Variants in KAZN observed in about 807,000 individuals in gnomAD.
The protein encoded by KAZN is kazrin, periplakin interacting protein.
KAZN carries 40 observed loss-of-function variants against 87.4 expected under a neutral mutation model. The observed-to-expected ratio is 0.46, with a 90% CI of 0.36 to 0.60. The LOEUF (loss-of-function observed/expected upper bound fraction) is 0.60, where lower values mean the gene tolerates loss of function less well. Ranked by LOEUF, KAZN falls within the 20% of genes least tolerant of loss-of-function variation. The probability of loss-of-function intolerance (pLI) is 0.00; values close to 1 mark genes in which losing one functional copy is unlikely to be tolerated. For synonymous variants in KAZN, 466 were observed against 458.3 expected, an observed-to-expected ratio of 1.02 and a Z score of -0.22; for missense variants, 898 against 1,073.9, an observed-to-expected ratio of 0.84 and a Z score of 2.29.
At chr1:15,091,395 A>C (rs1485654249) in intron 8 of KAZN, among the ~76,000 whole-genome samples, 1 of 152,162 alleles carries the variant, frequency 6.6e-6, no homozygotes, top group East Asian at 1.9e-4. Context: ...CCCAGACTGG[A>C]GTGCAGTGGC....
intron 1 of KAZN, among the ~76,000 whole-genome samples, chr1:14,855,108 C>T (rs546300335): frequency 1.2e-4 from 19 of 152,174 alleles, no homozygotes; most frequent in East Asian, 7.8e-4. Context: ...AGCTGTGAGA[C>T]GACGGGAGTC....
At chr1:14,663,333 G>A (rs1272255063) in intron 1 of KAZN, among the ~76,000 whole-genome samples, 1 of 152,094 alleles carries the variant, frequency 6.6e-6, no homozygotes, top group African/African-American at 2.4e-5. Context: ...TGATGAAACT[G>A]AAGACAGGAA....
At chr1:14,623,804 CTT>C (rs1277134493) in intron 1 of KAZN, among the ~76,000 whole-genome samples, 1 of 151,538 alleles carries the variant, frequency 6.6e-6, no homozygotes, top group Non-Finnish European at 1.5e-5. Flanking sequence ...ATTAGGGACT[CTT>C]GTTATTTATT....
At chr1:14,700,671 T>C (rs1032872099) in intron 1 of KAZN, among the ~76,000 whole-genome samples, 15 of 152,132 alleles carry the variant, frequency 9.9e-5, no homozygotes, top group African/African-American at 3.4e-4. Flanking sequence ...AAGTTGAGCA[T>C]GTATGCCTCT....
chr1:14,978,614 A>C (rs113834170), intron 2 of KAZN, among the ~76,000 whole-genome samples: 38 of 152,230 alleles, frequency 2.5e-4, no homozygotes, highest in African/African-American at 9.1e-4. Context: ...CTGGAAATTC[A>C]GGTCCCCACC....
intron 1 of KAZN, among the ~76,000 whole-genome samples, chr1:14,842,679 T>A (rs141575887): frequency 2.0e-5 from 3 of 152,276 alleles, no homozygotes; most frequent in South Asian, 2.1e-4. Flanking sequence ...TTAGGACATG[T>A]TACAAGGAAG....
intron 2 of KAZN, among the ~76,000 whole-genome samples, chr1:14,483,332 G>C (rs1669182186): frequency 6.6e-6 from 1 of 152,128 alleles, no homozygotes; most frequent in Admixed American, 6.5e-5. Context: ...TGCGTCAGAG[G>C]GGAGCAAAAA....
chr1:14,061,970 G>A (rs1439905252), intron 1 of KAZN, among the ~76,000 whole-genome samples: 1 of 152,116 alleles, frequency 6.6e-6, no homozygotes, highest in Non-Finnish European at 1.5e-5. Flanking sequence ...CCTTGTTGAA[G>A]TCTGGAATTC....
intron 1 of KAZN, among the ~76,000 whole-genome samples, chr1:13,925,834 AC>A (rs1640252854): frequency 6.6e-6 from 1 of 152,188 alleles, no homozygotes; most frequent in Non-Finnish European, 1.5e-5. Flanking sequence ...GGACTCAAGC[AC>A]TGGGAGTTGC....
At chr1:14,924,425 C>G (rs1468717080) in intron 1 of KAZN, 1 of 988,078 alleles carries the variant, frequency 1.0e-6, no homozygotes, top group Non-Finnish European at 1.2e-6. Context: ...GCAGGGCGAG[C>G]CGGCGCCTTC....
chr1:14,718,112 C>T (rs1014448953), intron 1 of KAZN, among the ~76,000 whole-genome samples: 3 of 152,212 alleles, frequency 2.0e-5, no homozygotes, highest in Non-Finnish European at 4.4e-5. Flanking sequence ...AGCAAATTAC[C>T]CCCAGGGAGT....
intron 2 of KAZN, among the ~76,000 whole-genome samples, chr1:14,211,764 C>G (rs1238235473): frequency 6.6e-6 from 1 of 152,182 alleles, no homozygotes; most frequent in Admixed American, 6.5e-5. Flanking sequence ...CGGGGCTTCT[C>G]TCCTACAAAA....
chr1:14,409,671 A>C (rs758883220), intron 2 of KAZN, among the ~76,000 whole-genome samples: 5 of 152,196 alleles, frequency 3.3e-5, no homozygotes, highest in African/African-American at 7.2e-5. Context: ...TTCCCATAGA[A>C]AAAGCTCTGC....
chr1:14,688,452 G>A (rs898438061), intron 1 of KAZN, among the ~76,000 whole-genome samples: 8 of 152,206 alleles, frequency 5.3e-5, no homozygotes, highest in South Asian at 2.1e-4. Context: ...TCACGTGCCC[G>A]GCAGCATCTG....
At chr1:14,738,177 C>T (rs1380451939) in intron 1 of KAZN, among the ~76,000 whole-genome samples, 1 of 152,172 alleles carries the variant, frequency 6.6e-6, no homozygotes, top group East Asian at 1.9e-4. Flanking sequence ...ACCATTCTTG[C>T]TTCCACAGGC....
chr1:14,243,760 A>G (rs936797157), intron 2 of KAZN, among the ~76,000 whole-genome samples: 2 of 152,140 alleles, frequency 1.3e-5, no homozygotes, highest in Non-Finnish European at 2.9e-5. Flanking sequence ...TAAATTTAAG[A>G]TGGGGGTCTG....
In KAZN at chr1:15,104,003, T is replaced by G; in HGVS notation, c.1882-20T>G. 5 of 1,609,256 alleles carry G rather than the reference T, an allele frequency of 3.1e-6. No homozygotes were observed. The highest frequency in any genetic ancestry group is 4.2e-6 in the Non-Finnish European group (5 of 1,177,190). ...AGCATGGCCCCTGCAGGCTAACAAGTCCCCTGCCTTTGCCCCCAGGAGTAC... is the reference window on the plus strand; with the variant it reads ...AGCATGGCCCCTGCAGGCTAACAAGGCCCCTGCCTTTGCCCCCAGGAGTAC... On this transcript the variant is annotated intron_variant, in intron 12 of 14. Transcript: ENST00000376030.
intron 2 of KAZN, among the ~76,000 whole-genome samples, chr1:14,365,368 TGGGGGGG>T (rs796259489): frequency 1.2e-5 from 1 of 83,146 alleles, no homozygotes; most frequent in East Asian, 4.6e-4. Flanking sequence ...CCCCCCGGGG[TGGGGGGG>T]GGGGGGGTCT....
At chr1:13,952,797 G>T (rs1182309286) in intron 1 of KAZN, among the ~76,000 whole-genome samples, 3 of 152,172 alleles carry the variant, frequency 2.0e-5, no homozygotes, top group African/African-American at 7.2e-5. Flanking sequence ...AATACCAGTA[G>T]TATCAGCTGG....
Sources: gnomAD v4.1 joint callset for allele counts (sites outside exome capture counted in the v4.1 genomes callset) on GRCh38, gnomAD v4.1.1 for gene constraint, MANE v1.5 for transcripts, NCBI Gene and HGNC (gene_info 2026-07-23, HGNC 2026-07-21) for gene names.